The following FGF13 variants were observed in gnomAD, a reference collection of about 807,000 sequenced individuals.
The protein encoded by FGF13 is fibroblast growth factor 13.
Under a neutral mutation model 19.5 loss-of-function variants are expected in FGF13, and 2 were observed. The ratio of observed to expected loss-of-function variants is 0.10; its 90% confidence interval spans 0.04 to 0.32. FGF13 has a LOEUF of 0.32. Among genes scored for constraint, FGF13 ranks in the 10% least tolerant of loss-of-function variants. The probability of loss-of-function intolerance (pLI) is 1.00; values close to 1 mark genes in which losing one functional copy is unlikely to be tolerated. For synonymous variants in FGF13, 72 were observed against 76.9 expected (o/e 0.94, Z 0.33); for missense variants, 113 against 192.7 (o/e 0.59, Z 2.45).
chrX:139,030,555 T>G (rs1470091589), intron 1 of FGF13, among the ~76,000 whole-genome samples: 7 of 111,294 alleles, frequency 6.3e-5, no homozygotes, highest in Non-Finnish European at 1.3e-4. Context: ...AACTAAGAGG[T>G]TCTTAGATAG....
At chrX:138,739,026 G>GA (rs201597412) in intron 1 of FGF13, among the ~76,000 whole-genome samples, 7,873 of 99,102 alleles carry the variant, frequency 0.079, 304 homozygotes, top group Non-Finnish European at 0.12. Context: ...ATTCCTCCCA[G>GA]AAAAAAAAAA....
At chrX:138,790,508 C>G (rs1265904346) in intron 3 of FGF13, among the ~76,000 whole-genome samples, 1 of 111,040 alleles carries the variant, frequency 9.0e-6, no homozygotes, top group South Asian at 3.9e-4. Context: ...AATAGCCTAT[C>G]CATCACCTGG....
At chrX:138,895,157 T>G (rs1035256403) in intron 1 of FGF13, among the ~76,000 whole-genome samples, 3 of 112,075 alleles carry the variant, frequency 2.7e-5, no homozygotes, top group African/African-American at 9.7e-5. Context: ...TTTATTGATG[T>G]ATACTTGACA....
At chrX:138,911,435 G>C (rs762107615) in intron 1 of FGF13, among the ~76,000 whole-genome samples, 2 of 109,331 alleles carry the variant, frequency 1.8e-5, no homozygotes, top group East Asian at 5.8e-4. Flanking sequence ...ACACACAGAG[G>C]GGGGCAACAC....
At position 139,061,982 on chromosome X, in the gene FGF13, T is replaced by A. The variant is rs191937913; in HGVS notation, c.-113+141434A>T. On this transcript the variant is annotated intron_variant, in intron 1 of 2. Transcript: ENST00000421460. ...TTTTGAACATTTACACCTTAATAAATGTATAGTTTGAAAATATTTCCCCCA... is the reference window on the plus strand; with the variant it reads ...TTTTGAACATTTACACCTTAATAAAAGTATAGTTTGAAAATATTTCCCCCA... Among the ~76,000 whole-genome samples the A allele has an allele frequency of 2.9e-3, 329 of 111,723 alleles. 1 individual carries two copies. The highest frequency in any genetic ancestry group is 0.018 in the Middle Eastern group (4 of 217).
chrX:139,153,390 T>C (rs1238684142), intron 1 of FGF13, among the ~76,000 whole-genome samples: 2 of 108,851 alleles, frequency 1.8e-5, no homozygotes, highest in South Asian at 4.1e-4. Context: ...AATCAGGAAA[T>C]GAAGTCTGAC....
At chrX:138,805,089 G>T (rs1220492386) in intron 3 of FGF13, among the ~76,000 whole-genome samples, 1 of 111,912 alleles carries the variant, frequency 8.9e-6, no homozygotes, top group African/African-American at 3.2e-5. Flanking sequence ...CTTTAAGCAG[G>T]TGAAATATTA....
intron 1 of FGF13, among the ~76,000 whole-genome samples, chrX:139,040,712 G>A (rs517367): frequency 0.17 from 18,805 of 110,081 alleles, 1,396 homozygotes; most frequent in Admixed American, 0.26. Flanking sequence ...TATACACCTG[G>A]AGAAATATAA....
chrX:138,948,970 C>T (rs761395596), intron 1 of FGF13, among the ~76,000 whole-genome samples: 11 of 111,856 alleles, frequency 9.8e-5, no homozygotes, highest in Non-Finnish European at 1.7e-4. Context: ...TTTATTGACA[C>T]AACAACTCTA....
At chrX:138,855,042 A>T (rs2091248968), downstream of FGF13, among the ~76,000 whole-genome samples, 1 of 111,961 alleles carries the variant, frequency 8.9e-6, no homozygotes, top group African/African-American at 3.2e-5. Flanking sequence ...TCTACTAATT[A>T]TAACAAAATG....
chrX:138,833,404 T>C (rs975448641), intron 3 of FGF13, among the ~76,000 whole-genome samples: 1 of 112,079 alleles, frequency 8.9e-6, no homozygotes, highest in African/African-American at 3.2e-5. Flanking sequence ...TTCCTAGATA[T>C]TTTATTCTTT....
chrX:139,084,693 T>A (rs146276128), intron 1 of FGF13, among the ~76,000 whole-genome samples: 1,538 of 112,114 alleles, frequency 0.014, 35 homozygotes, highest in African/African-American at 0.047. Flanking sequence ...CAGAAAAACA[T>A]TGGTCCTGGG....
intron 3 of FGF13, among the ~76,000 whole-genome samples, chrX:138,817,674 G>A (rs369189711): frequency 9.0e-6 from 1 of 111,703 alleles, no homozygotes; most frequent in East Asian, 2.8e-4. Flanking sequence ...CAATGATATG[G>A]TTTAATTCCT....
intron 3 of FGF13, among the ~76,000 whole-genome samples, chrX:138,774,032 G>A (rs1204574361): frequency 1.8e-5 from 2 of 111,329 alleles, no homozygotes; most frequent in Non-Finnish European, 3.8e-5. Context: ...ACTGTCCTCT[G>A]TCCTTTCATT....
rs745359063 is a variant in FGF13, at chrX:138,694,986, AACACACACAC to A, written c.402+7988_402+7997del. Among the ~76,000 whole-genome samples the A allele has an allele frequency of 6.4e-3, 541 of 84,709 alleles. 1 individual carries two copies. The highest frequency in any genetic ancestry group is 0.011 in the South Asian group (16 of 1,398). The allele number at this position is 84,709 out of a possible 115,157, so 73.6% of individuals were successfully genotyped here. ...TCCCAGTGGATTATTTACTAGTTGAAACACACACACACACACACACACACACACACACACA... is the reference window on the plus strand; with the variant it reads ...TCCCAGTGGATTATTTACTAGTTGAAACACACACACACACACACACACACA... On this transcript the variant is annotated intron_variant, in intron 3 of 4. Transcript: ENST00000315930.
chrX:139,192,076 G>GA (rs895568526), intron 1 of FGF13, among the ~76,000 whole-genome samples: 1 of 111,710 alleles, frequency 9.0e-6, no homozygotes, highest in African/African-American at 3.3e-5. Context: ...CAATAAGATA[G>GA]AAAAAAGCAG....
At position 139,160,677 on chromosome X, in the gene FGF13, C is replaced by A. The variant is rs370459981; in HGVS notation, c.-113+42739G>T. ...GATAAACGGGATATCACCACTGATC[C>A]CACAGAAACACAAACTACCATCAGA... is the stretch of plus-strand genomic sequence containing the variant. On this transcript the variant is annotated intron_variant, in intron 1 of 2. Transcript: ENST00000421460. Among the ~76,000 whole-genome samples, 5 of 111,814 alleles carry A rather than the reference C, an allele frequency of 4.5e-5. No homozygotes were observed. In the East Asian group the frequency reaches 1.4e-3, roughly 31 times the overall value.
At position 138,711,291 on chromosome X, in the gene FGF13, G is replaced by T; in HGVS notation, c.-288C>A. The T allele has an allele frequency of 1.1e-6, 1 of 937,810 alleles. No homozygotes were observed. The highest frequency in any genetic ancestry group is 4.9e-5 in the East Asian group (1 of 20,219). 77.3% of individuals were successfully genotyped at this position (937,810 alleles called of 1,213,427 possible). A position where few individuals can be genotyped will look rare whatever the true frequency, so the allele number is the denominator to read the frequency against. On this transcript the variant is annotated 5_prime_UTR_variant, in exon 1 of 5. Transcript: ENST00000315930. Reference sequence around the variant, plus strand: ...GGATCGCGGGCGAGACTGGCACGCGGATGCTGAACTGCGCGACTGCGTGTG... The same window carrying T: ...GGATCGCGGGCGAGACTGGCACGCGTATGCTGAACTGCGCGACTGCGTGTG...
intron 3 of FGF13, among the ~76,000 whole-genome samples, chrX:138,693,826 G>A (rs2089863554): frequency 9.0e-6 from 1 of 111,358 alleles, no homozygotes; most frequent in Non-Finnish European, 1.9e-5. Context: ...GATGCTGCTT[G>A]TGTTTATTTT....
Sources: gnomAD v4.1 joint callset for allele counts (sites outside exome capture counted in the v4.1 genomes callset) on GRCh38, gnomAD v4.1.1 for gene constraint, MANE v1.5 for transcripts, NCBI Gene and HGNC (gene_info 2026-07-23, HGNC 2026-07-21) for gene names.